Variants in GUCY1A2 observed in about 807,000 individuals in gnomAD.
GUCY1A2 encodes guanylate cyclase 1 soluble subunit alpha 2, also known as guanylate cyclase soluble subunit alpha-2.
GUCY1A2 carries 27 observed loss-of-function variants against 63.5 expected under a neutral mutation model. The observed-to-expected ratio is 0.43, with a 90% CI of 0.31 to 0.59. The LOEUF (loss-of-function observed/expected upper bound fraction) is 0.59. GUCY1A2 is among the 20% of genes least tolerant of loss of function. The pLI is 0.11. For missense variants in GUCY1A2, 768 were observed against 913.3 expected, an observed-to-expected ratio of 0.84 and a Z score of 2.05; for synonymous variants, 364 against 343.5, an observed-to-expected ratio of 1.06 and a Z score of -0.66.
rs11211863 is a variant in GUCY1A2, at chr11:106,685,943, A to G, written c.*1606T>C. 0.1 allele frequency: 22,395 copies of G among 223,934 alleles called. 1,473 individuals are homozygous for G. Among genetic ancestry groups the G allele is most frequent in the Non-Finnish European group, 0.14 (15,877 of 112,098 alleles). The allele number at this position is 223,934 out of a possible 1,614,324, so 13.9% of individuals were successfully genotyped here. A position where few individuals can be genotyped will look rare whatever the true frequency, so the allele number is the denominator to read the frequency against. On this transcript the variant is annotated 3_prime_UTR_variant, in exon 8 of 8. Transcript: ENST00000526355. ...TAGAAAATTTAAAAACATTAAATGA[A>G]CCTCATAGACTACATTGGAAATTAG...
chr11:106,731,506 A>G (rs1191098164), intron 6 of GUCY1A2, among the ~76,000 whole-genome samples: 1 of 152,078 alleles, frequency 6.6e-6, no homozygotes, highest in African/African-American at 2.4e-5. Context: ...CAACACTCCT[A>G]TTCAAGATAG....
intron 4 of GUCY1A2, chr11:106,827,013 C>A: frequency 6.2e-7 from 1 of 1,608,302 alleles, no homozygotes; most frequent in Non-Finnish European, 8.5e-7. Context: ...CAGGCCACAT[C>A]TCTGTATTAG....
chr11:107,008,067 G>A (rs1485084626), intron 1 of GUCY1A2, among the ~76,000 whole-genome samples: 2 of 148,924 alleles, frequency 1.3e-5, no homozygotes, highest in African/African-American at 4.9e-5. Flanking sequence ...CAGATCACCT[G>A]GGGTCAGGAG....
intron 1 of GUCY1A2, among the ~76,000 whole-genome samples, chr11:107,017,519 G>A (rs1400606034): frequency 6.6e-6 from 1 of 152,206 alleles, no homozygotes; most frequent in South Asian, 2.1e-4. Flanking sequence ...CCCGAATCAG[G>A]ATACCCCAAA....
At chr11:106,878,055 A>G (rs1183912685) in intron 4 of GUCY1A2, among the ~76,000 whole-genome samples, 1 of 152,200 alleles carries the variant, frequency 6.6e-6, no homozygotes, top group East Asian at 1.9e-4. Context: ...TCATTAAAGA[A>G]ATGCAAATCA....
At chr11:106,758,397 ACT>A (rs1256364119) in intron 6 of GUCY1A2, among the ~76,000 whole-genome samples, 1 of 151,792 alleles carries the variant, frequency 6.6e-6, no homozygotes, top group Admixed American at 6.6e-5. Flanking sequence ...CCCAGTATAG[ACT>A]CTCATGGCTT....
chr11:106,731,154 A>T (rs1863496606), intron 6 of GUCY1A2, among the ~76,000 whole-genome samples: 1 of 152,112 alleles, frequency 6.6e-6, no homozygotes, highest in Non-Finnish European at 1.5e-5. Context: ...CATCTTCCTC[A>T]TAAAATCTTT....
At chr11:106,983,478 T>G (rs1460286024) in intron 2 of GUCY1A2, among the ~76,000 whole-genome samples, 1 of 152,212 alleles carries the variant, frequency 6.6e-6, no homozygotes, top group Non-Finnish European at 1.5e-5. Flanking sequence ...GTCTCAGTCT[T>G]GGCAGACACA....
At chr11:106,859,426 TGTTAAAAAATAAATTACAA>T (rs940204730) in intron 4 of GUCY1A2, among the ~76,000 whole-genome samples, 2 of 151,998 alleles carry the variant, frequency 1.3e-5, no homozygotes, top group Admixed American at 1.3e-4. Context: ...TTCCCTACCC[TGTTAAAAAATAAATTACAA>T]GAAAGGTATA....
intron 7 of GUCY1A2, among the ~76,000 whole-genome samples, chr11:106,701,208 T>C (rs1476965269): frequency 6.6e-6 from 1 of 152,136 alleles, no homozygotes; most frequent in Non-Finnish European, 1.5e-5. Flanking sequence ...AAATGTTTTT[T>C]AGCCTCACAG....
intron 4 of GUCY1A2, among the ~76,000 whole-genome samples, chr11:106,853,746 G>A (rs565753344): frequency 7.9e-5 from 12 of 152,210 alleles, no homozygotes; most frequent in Non-Finnish European, 1.2e-4. Flanking sequence ...TGATACCTCT[G>A]CATCTGTCTT....
rs1353625038 is a variant in GUCY1A2 at position 106,686,590 on chromosome 11, A to G, written c.*959T>C. 2 of 217,846 alleles carry G rather than the reference A, an allele frequency of 9.2e-6. No individual in the cohort carries two copies. Among genetic ancestry groups the G allele is most frequent in the South Asian group, 1.9e-4 (1 of 5,390 alleles). The allele number at this position is 217,846 out of a possible 1,614,324, so 13.5% of individuals were successfully genotyped here. A position where few individuals can be genotyped will look rare whatever the true frequency, so the allele number is the denominator to read the frequency against. ...GGTAACTAACATGTCATTTAGCTGA[A>G]TGCTGTTTATTAGAATGCAGTTTAG... On this transcript the variant is annotated 3_prime_UTR_variant, in exon 8 of 8. Transcript: ENST00000526355.
At chr11:106,809,579 T>C (rs1858736628) in intron 5 of GUCY1A2, among the ~76,000 whole-genome samples, 1 of 152,174 alleles carries the variant, frequency 6.6e-6, no homozygotes, top group Admixed American at 6.5e-5. Flanking sequence ...ATTAGCCATA[T>C]TTGACAATAC....
chr11:106,893,183 C>T (rs1859997695), intron 4 of GUCY1A2, among the ~76,000 whole-genome samples: 1 of 152,108 alleles, frequency 6.6e-6, no homozygotes, highest in Non-Finnish European at 1.5e-5. Flanking sequence ...TCATCCTAAA[C>T]ATCTCCTCAG....
At chr11:106,998,701 G>A (rs1260799553) in intron 1 of GUCY1A2, among the ~76,000 whole-genome samples, 1 of 151,376 alleles carries the variant, frequency 6.6e-6, no homozygotes, top group Non-Finnish European at 1.5e-5. Context: ...AAAATCTCTG[G>A]AATCTCTAAG....
intron 4 of GUCY1A2, among the ~76,000 whole-genome samples, chr11:106,926,701 C>T (rs1422820886): frequency 6.6e-6 from 1 of 151,740 alleles, no homozygotes; most frequent in South Asian, 2.1e-4. Flanking sequence ...TGAGAAGCAG[C>T]CCCATAAACC....
rs138184491 is a variant in GUCY1A2, at chr11:106,823,210, C to A, written c.1207-12732G>T. ...CATCACTCAAATATTGAACATTGTACCCAAGAGGTAATTTTTCATTCCTCA... is the reference window on the plus strand; with the variant it reads ...CATCACTCAAATATTGAACATTGTAACCAAGAGGTAATTTTTCATTCCTCA... On this transcript the variant is annotated intron_variant, in intron 4 of 7. Transcript: ENST00000526355. Among the ~76,000 whole-genome samples the A allele has an allele frequency of 3.4e-3, 510 of 152,194 alleles. 1 individual carries two copies. Among genetic ancestry groups the A allele is most frequent in the African/African-American group, 0.012 (483 of 41,532 alleles).
At chr11:106,774,332 C>T (rs1000533442) in intron 6 of GUCY1A2, among the ~76,000 whole-genome samples, 1 of 152,056 alleles carries the variant, frequency 6.6e-6, no homozygotes, top group Admixed American at 6.5e-5. Flanking sequence ...AGGGTTTCAC[C>T]ATCTTGGCCA....
chr11:106,890,112 T>C (rs1296823468), intron 4 of GUCY1A2, among the ~76,000 whole-genome samples: 2 of 152,192 alleles, frequency 1.3e-5, no homozygotes, highest in Non-Finnish European at 2.9e-5. Context: ...AGTTAAGTAG[T>C]AATAAATTGT....
Sources: allele counts gnomAD v4.1 joint callset (sites outside exome capture counted in the v4.1 genomes callset), GRCh38; gene constraint gnomAD v4.1.1; transcripts MANE v1.5; gene names NCBI Gene and HGNC (gene_info 2026-07-23, HGNC 2026-07-21).